The following TRPV1 variants were observed in gnomAD, a reference collection of about 807,000 sequenced individuals.
The protein encoded by TRPV1 is transient receptor potential cation channel subfamily V member 1.
Under a neutral mutation model 82.3 loss-of-function variants are expected in TRPV1, and 82 were observed. The observed-to-expected ratio is 1.00, with a 90% CI of 0.83 to 1.20. The LOEUF (loss-of-function observed/expected upper bound fraction) is 1.20, where lower values mean the gene tolerates loss of function less well. Ranked by LOEUF, TRPV1 falls within the 50% of genes most tolerant of loss-of-function variation. The probability of loss-of-function intolerance (pLI) is 0.00; values close to 1 mark genes in which losing one functional copy is unlikely to be tolerated. For synonymous variants in TRPV1, 515 were observed against 467.7 expected (o/e 1.10, Z -1.30); for missense variants, 1,067 against 1,096.8 (o/e 0.97, Z 0.38).
chr17:3,580,337 C>G, intron 11 of TRPV1, 120 bp downstream of exon 11: 1 of 989,572 alleles, frequency 1.0e-6, no homozygotes, highest in Admixed American at 1.7e-5. Flanking sequence ...TTCCGTCATT[C>G]CCTCAGCATG....
At position 3,609,322 on chromosome 17, in the gene TRPV1, TGAGAGAGAGAGAGA is replaced by T. The variant is rs3840876; in HGVS notation, c.-200_-187del. On this transcript the variant is annotated 5_prime_UTR_variant, in exon 1 of 17. Transcript: ENST00000572705. Reference sequence around the variant, plus strand: ...TATGTTTCATACCTGTCATGGATACTGAGAGAGAGAGAGAGAGAGAGAGAGAGAATACGACTGCT... The same window carrying T: ...TATGTTTCATACCTGTCATGGATACTGAGAGAGAGAGAGAATACGACTGCT... 4 of 148,568 alleles carry T rather than the reference TGAGAGAGAGAGAGA, an allele frequency of 2.7e-5. No individual in the cohort carries two copies. Among genetic ancestry groups the T allele is most frequent in the Non-Finnish European group, 5.9e-5 (4 of 67,360 alleles). The allele number at this position is 148,568 out of a possible 1,614,324, so 9.2% of individuals were successfully genotyped here.
intron 2 of TRPV1, among the ~76,000 whole-genome samples, chr17:3,606,758 T>A (rs1158700814): frequency 6.6e-6 from 1 of 152,106 alleles, no homozygotes; most frequent in Non-Finnish European, 1.5e-5. Context: ...GGCTCAGTCC[T>A]CAGAGGCAGA....
Position 3,585,861 on chromosome 17 carries a change from G to C in TRPV1, c.1290C>G (p.Phe430Leu), listed in dbSNP as rs201022949. The change falls in exon 9 of 17, where the codon TTC becomes TTG. Residue 430 changes from phenylalanine (F) to leucine (L), a missense_variant. By Grantham distance (22) the Phe-to-Leu change is conservative. Coordinates refer to ENST00000572705, the MANE Select transcript of TRPV1 (RefSeq NM_080704.4). ...NRLLQDKWDR[F>L]VKRIFYFNFL... ...AGTTGAAGTAGAAGATGCGCTTGAC[G>C]AATCTGTCCCACTTGTCCTGCAGGA... 6.2e-7 allele frequency: 1 copy of C among 1,614,006 alleles called. No individual in the cohort carries two copies.
At chr17:3,593,452 T>G (rs2150851870) in intron 2 of TRPV1, among the ~76,000 whole-genome samples, 1 of 152,202 alleles carries the variant, frequency 6.6e-6, no homozygotes, top group Middle Eastern at 3.4e-3. Context: ...CCCATCCCCA[T>G]GCTTCCCCTC....
rs760940832 is a variant in TRPV1, at chr17:3,585,887, G to C, written c.1264C>G (p.Leu422Val). Residue 422 changes from leucine (L) to valine (V), a missense_variant, in exon 9 of 17, where the codon CTC (leucine) becomes GTC (valine). Transcript: ENST00000572705. ...DMLLVEPLNR[L>V]LQDKWDRFVK... Reference sequence around the variant, plus strand: ...AATCTGTCCCACTTGTCCTGCAGGAGTCGGTTCAGCGGCTCCACCAAGAGC... The same window carrying C: ...AATCTGTCCCACTTGTCCTGCAGGACTCGGTTCAGCGGCTCCACCAAGAGC... The C allele has an allele frequency of 1.9e-6, 3 of 1,613,870 alleles. No homozygotes were observed. The highest frequency in any genetic ancestry group is 2.5e-6 in the Non-Finnish European group (3 of 1,179,856).
Position 3,588,182 on chromosome 17 carries a change from A to G in TRPV1, c.1224+6T>C, listed in dbSNP as rs1372447180. 4 of 1,553,118 alleles carry G rather than the reference A, an allele frequency of 2.6e-6. No individual in the cohort carries two copies. The highest frequency in any genetic ancestry group is 3.5e-6 in the Non-Finnish European group (4 of 1,147,514). ...GGCCCTCCCTGGCTGTGCCCCAGCC[A>G]CTCACAGGGGTCTCGCTGCTGCTGT... On this transcript the variant is annotated splice_donor_region_variant and intron_variant, in intron 8 of 16. Coordinates refer to ENST00000572705, the MANE Select transcript of TRPV1 (RefSeq NM_080704.4).
rs78680985 is a variant in TRPV1, at chr17:3,588,815, A to G, written c.1045-448T>C. ...GGCAACAAGAGCGAAACCTCATCTAAAAAAAAAAAAAAAAACAAAACACAC... is the reference window on the plus strand; with the variant it reads ...GGCAACAAGAGCGAAACCTCATCTAGAAAAAAAAAAAAAAACAAAACACAC... On this transcript the variant is annotated intron_variant, in intron 7 of 16. Transcript: ENST00000572705. The G allele has an allele frequency of 2.0e-4, 189 of 957,124 alleles. 1 individual carries two copies. The highest frequency in any genetic ancestry group is 2.5e-4 in the Non-Finnish European group (179 of 721,514). 59.3% of individuals were successfully genotyped at this position (957,124 alleles called of 1,614,324 possible).
At chr17:3,582,052 T>C (rs544478147) in intron 10 of TRPV1, among the ~76,000 whole-genome samples, 11 of 142,790 alleles carry the variant, frequency 7.7e-5, no homozygotes, top group South Asian at 6.7e-4. Flanking sequence ...TAGCCGGGCG[T>C]GGTGGCGGGT....
intron 14 of TRPV1, 131 bp downstream of exon 14, chr17:3,573,502 G>A: frequency 2.1e-6 from 2 of 966,696 alleles, no homozygotes; most frequent in South Asian, 3.3e-5. Context: ...GCAGCGGATA[G>A]AGAGGCCCAT....
intron 13 of TRPV1, among the ~76,000 whole-genome samples, chr17:3,576,609 G>A (rs1306683908): frequency 3.5e-5 from 5 of 144,352 alleles, no homozygotes; most frequent in African/African-American, 5.1e-5. Flanking sequence ...CCGAGATCGC[G>A]CCACTGCACG....
At chr17:3,583,172 G>C (rs952553492) in intron 10 of TRPV1, among the ~76,000 whole-genome samples, 166 bp downstream of exon 10, 1 of 152,070 alleles carries the variant, frequency 6.6e-6, no homozygotes, top group Non-Finnish European at 1.5e-5. Context: ...CTCCCGCCCC[G>C]CGGTGACTGA....
At chr17:3,595,674 G>C (rs200353360) in intron 2 of TRPV1, 2 of 152,348 alleles carry the variant, frequency 1.3e-5, no homozygotes, top group East Asian at 1.9e-4. Context: ...CTGTTAGCCG[G>C]AGCCTCCCAT....
intron 2 of TRPV1, among the ~76,000 whole-genome samples, chr17:3,597,376 A>AACCAGCG (rs971390874): frequency 6.6e-6 from 1 of 152,098 alleles, no homozygotes; most frequent in African/African-American, 2.4e-5. Flanking sequence ...TGACATTCAC[A>AACCAGCG]ACCAGCGACG....
Position 3,589,942 on chromosome 17 carries a change from C to A in TRPV1, c.909G>T (p.Thr303=). 1 of 1,572,400 alleles carries A rather than the reference C, an allele frequency of 6.4e-7. No homozygotes were observed. Among genetic ancestry groups the A allele is most frequent in the Non-Finnish European group, 8.6e-7 (1 of 1,159,310 alleles). ...CATTGTACATGCTCGTCACAAACTTCGTGTTGTCGGCCGTGTTGTCGGCCA... is the reference window on the plus strand; with the variant it reads ...CATTGTACATGCTCGTCACAAACTTAGTGTTGTCGGCCGTGTTGTCGGCCA... ...VEVADNTADN[T]KFVTSMYNEI... is the part of the protein sequence containing the mutation. Residue 303 remains threonine (T), a synonymous_variant, in exon 7 of 17, where the codon ACG becomes ACT. Coordinates refer to ENST00000572705, the MANE Select transcript of TRPV1 (RefSeq NM_080704.4).
chr17:3,577,791 T>A (rs1428794006), intron 11 of TRPV1, 28 bp from the exon 12 acceptor site: 2 of 1,573,380 alleles, frequency 1.3e-6, no homozygotes, highest in Admixed American at 3.7e-5. Context: ...GAAAGCTCCG[T>A]CTACGGGAAC....
intron 16 of TRPV1, among the ~76,000 whole-genome samples, chr17:3,569,704 T>A (rs1293472490): frequency 1.3e-5 from 2 of 152,130 alleles, no homozygotes; most frequent in Non-Finnish European, 2.9e-5. Flanking sequence ...GGCAGATGAG[T>A]TCCCCACAGG....
chr17:3,585,560 A>G, intron 9 of TRPV1: 1 of 585,574 alleles, frequency 1.7e-6, no homozygotes, highest in Non-Finnish European at 3.0e-6. Context: ...GAGAAGCGGG[A>G]AGGGGGCGGG....
In TRPV1 at chr17:3,590,342, T is replaced by C. The variant is rs149386111; in HGVS notation, c.655A>G (p.Thr219Ala). The C allele has an allele frequency of 1.3e-3, 2,102 of 1,613,832 alleles. 32 individuals carry two copies. In the African/African-American group the frequency reaches 0.024, roughly 18 times the overall value. ...TCTGCTCCGTTCTCCACCAGGAGGG[T>C]CACCAGGGCCATGTTGCGTCTCTCG... ...AIERRNMALV[T>A]LLVENGADVQ... The change falls in exon 6 of 17, where the codon ACC (threonine) becomes GCC (alanine). Residue 219 changes from threonine (T) to alanine (A), a missense_variant. By Grantham distance (58) the Thr-to-Ala change is moderately conservative. Transcript: ENST00000572705.
chr17:3,573,602 C>T, intron 14 of TRPV1, 31 bp downstream of exon 14: 1 of 1,587,100 alleles, frequency 6.3e-7, no homozygotes, highest in Non-Finnish European at 8.6e-7. Context: ...CTCTCCGCGC[C>T]ACTCACCACC....
Sources: gnomAD v4.1 joint callset for allele counts (sites outside exome capture counted in the v4.1 genomes callset) on GRCh38, gnomAD v4.1.1 for gene constraint, MANE v1.5 for transcripts, NCBI Gene and HGNC (gene_info 2026-07-23, HGNC 2026-07-21) for gene names.